The following STAC variants were observed in gnomAD, a reference collection of about 807,000 sequenced individuals.
The protein encoded by STAC is SH3 and cysteine-rich domain-containing protein.
STAC carries 43 observed loss-of-function variants against 48.8 expected under a neutral mutation model. The observed-to-expected ratio is 0.88, with a 90% CI of 0.69 to 1.14. The LOEUF is 1.14. Ranked by LOEUF, STAC falls within the 50% of genes most tolerant of loss-of-function variation. The pLI is 0.00. For synonymous variants in STAC, 193 were observed against 179.5 expected (o/e 1.07, Z -0.60); for missense variants, 497 against 504.0 (o/e 0.99, Z 0.13).
chr3:36,392,560 G>A (rs1699775111), intron 1 of STAC, among the ~76,000 whole-genome samples: 1 of 151,850 alleles, frequency 6.6e-6, no homozygotes, highest in South Asian at 2.1e-4. Context: ...TAGAGATGAG[G>A]TCTCCCTATG....
At chr3:36,431,306 C>T (rs1333028613) in intron 1 of STAC, among the ~76,000 whole-genome samples, 1 of 152,184 alleles carries the variant, frequency 6.6e-6, no homozygotes, top group Non-Finnish European at 1.5e-5. Context: ...GTCCCTGGGA[C>T]TGTACACTTT....
At chr3:36,420,702 C>T (rs1211745285) in intron 1 of STAC, among the ~76,000 whole-genome samples, 1 of 152,210 alleles carries the variant, frequency 6.6e-6, no homozygotes, top group African/African-American at 2.4e-5. Context: ...TGAAACTGGT[C>T]CCTGGTGCCA....
chr3:36,436,178 C>A (rs1214524501), intron 1 of STAC, among the ~76,000 whole-genome samples: 1 of 152,196 alleles, frequency 6.6e-6, no homozygotes, highest in Non-Finnish European at 1.5e-5. Context: ...CAAACTTATT[C>A]AAAACTCAAC....
chr3:36,435,870 T>C (rs555574361), intron 1 of STAC, among the ~76,000 whole-genome samples: 4 of 152,310 alleles, frequency 2.6e-5, no homozygotes, highest in African/African-American at 9.6e-5. Context: ...CACTCCTCTC[T>C]TTGAGTCTTC....
intron 1 of STAC, among the ~76,000 whole-genome samples, chr3:36,442,389 T>C (rs1483690971): frequency 2.0e-5 from 3 of 152,184 alleles, no homozygotes; most frequent in Non-Finnish European, 4.4e-5. Flanking sequence ...AAGTGACTTG[T>C]TGCTGGGTGA....
intron 2 of STAC, among the ~76,000 whole-genome samples, chr3:36,452,140 G>A (rs1397755076): frequency 1.3e-5 from 2 of 152,134 alleles, no homozygotes; most frequent in Non-Finnish European, 2.9e-5. Flanking sequence ...TGCAGTATCA[G>A]GTCTGTCCTT....
At chr3:36,411,908 A>C (rs534342834) in intron 1 of STAC, among the ~76,000 whole-genome samples, 1 of 152,276 alleles carries the variant, frequency 6.6e-6, no homozygotes, top group South Asian at 2.1e-4. Flanking sequence ...TGCAGATTTA[A>C]CTTCTCACAA....
intron 1 of STAC, among the ~76,000 whole-genome samples, chr3:36,437,949 A>G (rs1696199166): frequency 6.8e-6 from 1 of 148,076 alleles, no homozygotes; most frequent in South Asian, 2.1e-4. Context: ...TATTATTATT[A>G]TTATTATTAT....
chr3:36,488,138 G>T (rs1225763610), intron 5 of STAC, among the ~76,000 whole-genome samples: 1 of 152,084 alleles, frequency 6.6e-6, no homozygotes, highest in Non-Finnish European at 1.5e-5. Flanking sequence ...TTGCTCTATT[G>T]CCCAGGCTGG....
intron 8 of STAC, among the ~76,000 whole-genome samples, chr3:36,513,967 C>T (rs1698604629): frequency 6.6e-6 from 1 of 152,220 alleles, no homozygotes; most frequent in South Asian, 2.1e-4. Flanking sequence ...CACTGTCTAG[C>T]TGTGTGACCC....
chr3:36,534,057 C>T (rs1699137970), intron 10 of STAC, among the ~76,000 whole-genome samples: 2 of 152,122 alleles, frequency 1.3e-5, no homozygotes, highest in Non-Finnish European at 2.9e-5. Context: ...AATTTGTCTC[C>T]ACTTTAGTGT....
At chr3:36,525,043 TTTA>T (rs1172745834) in intron 8 of STAC, among the ~76,000 whole-genome samples, 1 of 152,196 alleles carries the variant, frequency 6.6e-6, no homozygotes, top group African/African-American at 2.4e-5. Context: ...ATGTGATATG[TTTA>T]TTATTAGTAT....
intron 8 of STAC, among the ~76,000 whole-genome samples, chr3:36,512,554 GA>G (rs111643508): frequency 3.3e-5 from 5 of 149,374 alleles, no homozygotes; most frequent in African/African-American, 9.8e-5. Flanking sequence ...AGTAATTTCA[GA>G]AAAAAAAAAG....
rs147930235 is a variant in STAC at position 36,537,378 on chromosome 3, A to T, written c.1110+8393A>T. 2.3e-3 allele frequency among the ~76,000 whole-genome samples: 352 copies of T among 152,320 alleles called. 2 individuals carry two copies. The highest frequency in any genetic ancestry group is 4.8e-3 in the South Asian group (23 of 4,828). On this transcript the variant is annotated intron_variant, in intron 10 of 10. Coordinates refer to ENST00000273183, the MANE Select transcript of STAC (RefSeq NM_003149.3). Reference sequence around the variant, plus strand: ...CTATGCAGCCATAAAAAGGAATAAGATCATGTCCTTTGCAGGGACATGGAT... The same window carrying T: ...CTATGCAGCCATAAAAAGGAATAAGTTCATGTCCTTTGCAGGGACATGGAT...
chr3:36,489,654 T>TAAAGTAA (rs1697913566), intron 5 of STAC, among the ~76,000 whole-genome samples: 1 of 152,254 alleles, frequency 6.6e-6, no homozygotes, highest in South Asian at 2.1e-4. Context: ...ATTCACAGCT[T>TAAAGTAA]TGTGTTTTCA....
intron 1 of STAC, among the ~76,000 whole-genome samples, chr3:36,384,560 T>C (rs1349421475): frequency 6.6e-6 from 1 of 152,188 alleles, no homozygotes; most frequent in African/African-American, 2.4e-5. Flanking sequence ...CCAAATGTCA[T>C]CATTGGAATA....
chr3:36,532,873 G>C (rs1350056934), intron 10 of STAC, among the ~76,000 whole-genome samples: 1 of 152,116 alleles, frequency 6.6e-6, no homozygotes, highest in African/African-American at 2.4e-5. Context: ...ATAATTATTA[G>C]TCATTATTTA....
intron 8 of STAC, among the ~76,000 whole-genome samples, chr3:36,507,831 A>T (rs1409844830): frequency 6.6e-6 from 1 of 152,078 alleles, no homozygotes; most frequent in Non-Finnish European, 1.5e-5. Flanking sequence ...AAGTCTGGCT[A>T]GCAGTCTATC....
intron 1 of STAC, among the ~76,000 whole-genome samples, chr3:36,437,934 A>AT (rs201633264): frequency 5.1e-5 from 5 of 97,802 alleles, no homozygotes; most frequent in Non-Finnish European, 1.1e-4. Context: ...TCATTGAGTT[A>AT]TTATTATTAT....
Sources: gnomAD v4.1 joint callset for allele counts (sites outside exome capture counted in the v4.1 genomes callset) on GRCh38, gnomAD v4.1.1 for gene constraint, MANE v1.5 for transcripts, NCBI Gene and HGNC (gene_info 2026-07-23, HGNC 2026-07-21) for gene names.